The following HPSE variants were observed in gnomAD, a reference collection of about 807,000 sequenced individuals.
The protein encoded by HPSE is heparanase, also known as endo-glucoronidase.
In HPSE, 48 loss-of-function variants were observed where a neutral mutation model predicts 65.1. That is an observed-to-expected ratio of 0.74 (90% CI 0.58 to 0.94). HPSE has a LOEUF of 0.94. HPSE is among the 40% of genes least tolerant of loss of function. The pLI is 0.00. For missense variants in HPSE, 644 were observed against 637.5 expected, an observed-to-expected ratio of 1.01 and a Z score of -0.11; for synonymous variants, 243 against 260.0, an observed-to-expected ratio of 0.93 and a Z score of 0.63.
At chr4:83,308,644 T>C (rs1457623683) in intron 8 of HPSE, among the ~76,000 whole-genome samples, 1 of 152,252 alleles carries the variant, frequency 6.6e-6, no homozygotes, top group African/African-American at 2.4e-5. Flanking sequence ...TTCATCCTTA[T>C]AGTGATTAAT....
chr4:83,298,095 A>G (rs990620900), intron 11 of HPSE, among the ~76,000 whole-genome samples: 3 of 152,210 alleles, frequency 2.0e-5, no homozygotes, highest in African/African-American at 7.2e-5. Context: ...ACATATATCA[A>G]GGGTAAGCTT....
At chr4:83,296,825 A>T (rs1200549292) in intron 11 of HPSE, among the ~76,000 whole-genome samples, 1 of 152,136 alleles carries the variant, frequency 6.6e-6, no homozygotes. Flanking sequence ...ATCTATCATC[A>T]TTATTATTAC....
intron 1 of HPSE, among the ~76,000 whole-genome samples, chr4:83,333,946 C>T (rs1737504110): frequency 6.6e-6 from 1 of 152,168 alleles, no homozygotes; most frequent in Admixed American, 6.5e-5. Flanking sequence ...TCTTACTTGT[C>T]CTACACTGCA....
At chr4:83,322,784 C>CG (rs1736961453) in intron 1 of HPSE, among the ~76,000 whole-genome samples, 1 of 116,242 alleles carries the variant, frequency 8.6e-6, no homozygotes, top group African/African-American at 3.3e-5. Flanking sequence ...CTGGCAAGAG[C>CG]TTGTTTGTGT....
intron 4 of HPSE, 82 bp downstream of exon 4, chr4:83,313,021 CAAAAAAAAAAA>C: frequency 1.6e-6 from 1 of 642,826 alleles, no homozygotes. Context: ...GACTCTGTCT[CAAAAAAAAAAA>C]AAAAAAAAAG....
At chr4:83,331,653 A>C (rs1407611743) in intron 1 of HPSE, among the ~76,000 whole-genome samples, 8 of 152,210 alleles carry the variant, frequency 5.3e-5, no homozygotes, top group East Asian at 1.9e-4. Flanking sequence ...TTTTGTGTGG[A>C]GTTGGGCTGT....
chr4:83,311,972 T>C (rs946479169), intron 4 of HPSE, among the ~76,000 whole-genome samples: 5 of 151,808 alleles, frequency 3.3e-5, no homozygotes, highest in African/African-American at 1.2e-4. Flanking sequence ...AAAAAAAGAG[T>C]GAAGAAGGAG....
intron 3 of HPSE, among the ~76,000 whole-genome samples, chr4:83,316,350 C>CAA (rs755454775): frequency 6.0e-4 from 90 of 149,532 alleles, no homozygotes; most frequent in East Asian, 1.8e-3. Flanking sequence ...AAAAAAAAAA[C>CAA]AAAAAAAACA....
Position 83,293,663 on chromosome 4 carries a change from T to C in HPSE, c.*1681A>G, listed in dbSNP as rs1044469423. 6.6e-6 allele frequency: 1 copy of C among 152,256 alleles called. No homozygotes were observed. Among genetic ancestry groups the C allele is most frequent in the African/African-American group, 2.4e-5 (1 of 41,474 alleles). 9.4% of individuals were successfully genotyped at this position (152,256 alleles called of 1,614,324 possible). A position where few individuals can be genotyped will look rare whatever the true frequency, so the allele number is the denominator to read the frequency against. ...GACAGTTATAAGGTATTGGGTGTTT[T>C]CTAAAATTTATCCTCTTGACAAATC... On this transcript the variant is annotated 3_prime_UTR_variant, in exon 12 of 12. Coordinates refer to ENST00000311412, the MANE Select transcript of HPSE (RefSeq NM_001098540.3).
chr4:83,327,642 A>G (rs916996213), intron 1 of HPSE, among the ~76,000 whole-genome samples: 8 of 152,220 alleles, frequency 5.3e-5, no homozygotes, highest in Non-Finnish European at 1.5e-5. Flanking sequence ...CCTTTTGTAC[A>G]AAAATAAGTT....
intron 9 of HPSE, among the ~76,000 whole-genome samples, chr4:83,303,919 G>A (rs540642929): frequency 5.3e-5 from 8 of 152,138 alleles, no homozygotes; most frequent in East Asian, 3.9e-4. Flanking sequence ...GAAGGATTAC[G>A]GATTAAACAA....
chr4:83,297,304 A>G (rs1457684544), intron 11 of HPSE, among the ~76,000 whole-genome samples: 1 of 151,644 alleles, frequency 6.6e-6, no homozygotes, highest in Non-Finnish European at 1.5e-5. Flanking sequence ...CTCGGAATGT[A>G]TCCCCATCAT....
At chr4:83,328,843 C>T (rs1017747764) in intron 1 of HPSE, among the ~76,000 whole-genome samples, 5 of 151,746 alleles carry the variant, frequency 3.3e-5, no homozygotes, top group African/African-American at 7.3e-5. Flanking sequence ...ACTGATAGAG[C>T]GAAGTCCTTG....
intron 1 of HPSE, among the ~76,000 whole-genome samples, chr4:83,333,559 A>G (rs534169000): frequency 6.6e-6 from 1 of 152,312 alleles, no homozygotes; most frequent in Admixed American, 6.5e-5. Flanking sequence ...GGAGGCTCCC[A>G]GGGCCTAAAT....
chr4:83,302,014 G>C lies in HPSE; in HGVS notation c.1325+136C>G, dbSNP rs190411849. 4 of 508,920 alleles carry C rather than the reference G, an allele frequency of 7.9e-6. No homozygotes were observed. The African/African-American group carries it at 8.0e-5, about 10-fold the overall frequency. 31.5% of individuals were successfully genotyped at this position (508,920 alleles called of 1,614,324 possible). A position where few individuals can be genotyped will look rare whatever the true frequency, so the allele number is the denominator to read the frequency against. On this transcript the variant is annotated intron_variant, in intron 10 of 11. Transcript: ENST00000311412. ...TCTAAAAATAAAATAAAATAAAATCGTTGTATAAAACTTTACTAAATTGCA... is the reference window on the plus strand; with the variant it reads ...TCTAAAAATAAAATAAAATAAAATCCTTGTATAAAACTTTACTAAATTGCA...
intron 3 of HPSE, 78 bp downstream of exon 3, chr4:83,319,266 G>T (rs1736777006): frequency 1.4e-6 from 2 of 1,413,562 alleles, no homozygotes; most frequent in Non-Finnish European, 2.0e-6. Context: ...CGTAGGACTT[G>T]CTAGATTGGT....
At chr4:83,308,067 A>C (rs1032778231) in intron 8 of HPSE, among the ~76,000 whole-genome samples, 2 of 151,374 alleles carry the variant, frequency 1.3e-5, no homozygotes, top group African/African-American at 2.4e-5. Context: ...TCCTCCTGAG[A>C]GACAAAGCTG....
chr4:83,320,019 G>A (rs1218113224), intron 2 of HPSE, among the ~76,000 whole-genome samples: 1 of 109,750 alleles, frequency 9.1e-6, no homozygotes, highest in African/African-American at 3.7e-5. Flanking sequence ...GACAAAGCGA[G>A]ACACTGTCTA....
In HPSE at chr4:83,334,839, C is replaced by A. The variant is rs1314151275; in HGVS notation, c.-57G>T. On this transcript the variant is annotated 5_prime_UTR_variant, in exon 1 of 12. Transcript: ENST00000311412. ...CTGCCGCGCAGCGGAGAGTCGAGAG[C>A]TCTAGCACTTCCTCCCGCCGAGCCC... The A allele has an allele frequency of 1.4e-6, 2 of 1,448,218 alleles. No individual in the cohort carries two copies. Among genetic ancestry groups the A allele is most frequent in the Non-Finnish European group, 1.8e-6 (2 of 1,103,706 alleles). The allele number at this position is 1,448,218 out of a possible 1,614,324, so 89.7% of individuals were successfully genotyped here.
Sources: allele counts gnomAD v4.1 joint callset (sites outside exome capture counted in the v4.1 genomes callset), GRCh38; gene constraint gnomAD v4.1.1; transcripts MANE v1.5; gene names NCBI Gene and HGNC (gene_info 2026-07-23, HGNC 2026-07-21).